MTREX: variants seen among roughly 807,000 people sequenced by gnomAD.
MTREX encodes the protein Mtr4 exosome RNA helicase.
MTREX carries 76 observed loss-of-function variants against 135.4 expected under a neutral mutation model. The observed-to-expected ratio is 0.56, with a 90% CI of 0.47 to 0.68. MTREX has a LOEUF of 0.68. Ranked by LOEUF, MTREX falls within the 30% of genes least tolerant of loss-of-function variation. The pLI, the probability that MTREX is intolerant of heterozygous loss-of-function variation, is 0.00. For synonymous variants in MTREX, 404 were observed against 401.6 expected (o/e 1.01, Z -0.07); for missense variants, 920 against 1,262.1 (o/e 0.73, Z 4.11).
chr5:55,344,753 C>T (rs1749703159), intron 9 of MTREX, 133 bp downstream of exon 9: 7 of 582,712 alleles, frequency 1.2e-5, no homozygotes, highest in Non-Finnish European at 1.8e-5. Context: ...TTTAATCAAT[C>T]GATCTTGATT....
chr5:55,385,756 A>C (rs1750468484), intron 18 of MTREX, among the ~76,000 whole-genome samples: 1 of 152,164 alleles, frequency 6.6e-6, no homozygotes, highest in South Asian at 2.1e-4. Flanking sequence ...AGTCAGTCAA[A>C]GGTTCAGGAG....
intron 15 of MTREX, among the ~76,000 whole-genome samples, chr5:55,365,254 T>C (rs1255106087): frequency 6.6e-6 from 1 of 152,144 alleles, no homozygotes; most frequent in Non-Finnish European, 1.5e-5. Flanking sequence ...ATGAAGTTCT[T>C]TAATCTCTCT....
rs181892951 is a variant in MTREX at position 55,383,603 on chromosome 5, C to G, written c.2053-4371C>G. ...TTCTCTTGCTGCTTTAAGATTTTCT[C>G]TTTTTGATTTGGCTTTCCACATTTT... is the stretch of plus-strand genomic sequence containing the variant. On this transcript the variant is annotated intron_variant, in intron 18 of 26. Coordinates refer to ENST00000230640, the MANE Select transcript of MTREX (RefSeq NM_015360.5). Among the ~76,000 whole-genome samples, 70 of 152,162 alleles carry G rather than the reference C, an allele frequency of 4.6e-4. No individual in the cohort carries two copies. The East Asian group carries it at 0.013, about 29-fold the overall frequency.
chr5:55,314,566 T>C (rs1749167449), intron 1 of MTREX, among the ~76,000 whole-genome samples: 1 of 152,160 alleles, frequency 6.6e-6, no homozygotes, highest in African/African-American at 2.4e-5. Context: ...TCTCTAGAAG[T>C]GGAAGTGGCA....
At position 55,343,364 on chromosome 5, in the gene MTREX, T is replaced by G; in HGVS notation, c.815T>G (p.Leu272Trp). The G allele has an allele frequency of 6.2e-7, 1 of 1,612,836 alleles. No homozygotes were observed. Among genetic ancestry groups the G allele is most frequent in the Non-Finnish European group, 8.5e-7 (1 of 1,179,042 alleles). ...GTAGTATGGGAAGAAACTATTATTT[T>G]GCTTCCTGATAACGTCCACTATGTC... ...RGVVWEETII[L>W]LPDNVHYVFL... Residue 272 changes from leucine to tryptophan, a missense_variant, in exon 8 of 27, where the codon TTG becomes TGG. By Grantham distance (61) the Leu-to-Trp change is moderately conservative. Coordinates refer to ENST00000230640, the MANE Select transcript of MTREX (RefSeq NM_015360.5).
At chr5:55,332,283 C>G (rs1749490832) in intron 5 of MTREX, among the ~76,000 whole-genome samples, 1 of 152,156 alleles carries the variant, frequency 6.6e-6, no homozygotes, top group Admixed American at 6.6e-5. Context: ...TAGATTGACT[C>G]TTTTGATTTA....
rs377301179 is a variant in MTREX at position 55,416,007 on chromosome 5, C to T, written c.2846C>T (p.Ala949Val). 1.3e-5 allele frequency: 20 copies of T among 1,595,004 alleles called. No individual in the cohort carries two copies. Among genetic ancestry groups the T allele is most frequent in the Non-Finnish European group, 1.7e-5 (20 of 1,173,376 alleles). ...AKRIAKVSAE[A>V]KLEIDEETYL... ...AGAATTGCAAAAGTTTCAGCAGAAG[C>T]CAAATTGGAAATTGATGAGGAAACT... The change falls in exon 25 of 27, where the codon GCC (alanine) becomes GTC (valine). Residue 949 changes from alanine (A) to valine (V), a missense_variant. Physicochemically the swap from Ala to Val is moderately conservative, Grantham distance 64 (BLOSUM62 0). Coordinates refer to ENST00000230640, the MANE Select transcript of MTREX (RefSeq NM_015360.5).
At chr5:55,413,214 G>A (rs1018341705) in intron 23 of MTREX, among the ~76,000 whole-genome samples, 2 of 151,730 alleles carry the variant, frequency 1.3e-5, no homozygotes, top group Admixed American at 1.3e-4. Flanking sequence ...TGGCACTCCT[G>A]TAATCCCAGC....
chr5:55,370,349 G>A (rs943841740), intron 16 of MTREX, among the ~76,000 whole-genome samples: 4 of 152,066 alleles, frequency 2.6e-5, no homozygotes, highest in Non-Finnish European at 2.9e-5. Flanking sequence ...ATCTTGCCTC[G>A]GTTTCTTCCA....
intron 22 of MTREX, among the ~76,000 whole-genome samples, chr5:55,406,029 CATT>C (rs1216336708): frequency 6.6e-6 from 1 of 151,972 alleles, no homozygotes; most frequent in Admixed American, 6.6e-5. Flanking sequence ...GCCTAGTAAC[CATT>C]ATCTTGTTAC....
intron 5 of MTREX, among the ~76,000 whole-genome samples, chr5:55,335,985 T>A (rs925910824): frequency 6.6e-6 from 1 of 152,168 alleles, no homozygotes; most frequent in Non-Finnish European, 1.5e-5. Flanking sequence ...TTAAACCTAT[T>A]CCTAAGTATT....
chr5:55,336,941 G>A (rs1019311671), intron 5 of MTREX, among the ~76,000 whole-genome samples: 3 of 152,188 alleles, frequency 2.0e-5, no homozygotes, highest in Non-Finnish European at 2.9e-5. Context: ...TAAGCTGGTA[G>A]TGTTGCCTCC....
intron 10 of MTREX, among the ~76,000 whole-genome samples, chr5:55,345,624 C>G (rs1450259619): frequency 6.8e-6 from 1 of 147,888 alleles, no homozygotes; most frequent in East Asian, 2.0e-4. Flanking sequence ...CAACTGGCTT[C>G]TTTCACTTAA....
intron 6 of MTREX, among the ~76,000 whole-genome samples, chr5:55,340,830 C>T (rs1359960820): frequency 6.6e-6 from 1 of 152,162 alleles, no homozygotes; most frequent in Non-Finnish European, 1.5e-5. Context: ...ATCTGCCTGC[C>T]TCAGCCTCCC....
intron 16 of MTREX, among the ~76,000 whole-genome samples, chr5:55,376,367 A>C (rs914182163): frequency 1.3e-5 from 2 of 152,180 alleles, no homozygotes; most frequent in African/African-American, 4.8e-5. Flanking sequence ...CAAATAACAG[A>C]CTGTCTTAAA....
chr5:55,341,622 C>A, intron 6 of MTREX, 59 bp from the exon 7 acceptor site: 1 of 837,128 alleles, frequency 1.2e-6, no homozygotes, highest in South Asian at 2.0e-5. Flanking sequence ...CAACTTTTCT[C>A]TAACTATTAG....
chr5:55,319,976 A>T (rs1392803024), intron 1 of MTREX, among the ~76,000 whole-genome samples: 1 of 152,178 alleles, frequency 6.6e-6, no homozygotes, highest in African/African-American at 2.4e-5. Flanking sequence ...CCTAGAAAGG[A>T]TCTCAGTTAT....
intron 11 of MTREX, among the ~76,000 whole-genome samples, chr5:55,348,755 C>T (rs866521066): frequency 6.6e-6 from 1 of 152,134 alleles, no homozygotes; most frequent in Non-Finnish European, 1.5e-5. Flanking sequence ...GCCGAATAAA[C>T]TTAAAGTTGC....
In MTREX at chr5:55,340,052, A is replaced by T. The variant is rs764635449; in HGVS notation, c.558A>T (p.Ile186=). The part of the protein sequence containing the change: ...ALALREKQRV[I]FTSPIKALSN... ...CCTTAAGGGAAAAGCAGCGTGTAATATTTACCAGCCCAATTAAGGCTCTGA... is the reference window on the plus strand; with the variant it reads ...CCTTAAGGGAAAAGCAGCGTGTAATTTTTACCAGCCCAATTAAGGCTCTGA... The change falls in exon 6 of 27, where the codon ATA becomes ATT. Residue 186 remains isoleucine, a synonymous_variant. Coordinates refer to ENST00000230640, the MANE Select transcript of MTREX (RefSeq NM_015360.5). 2.5e-6 allele frequency: 4 copies of T among 1,592,024 alleles called. No homozygotes were observed. The highest frequency in any genetic ancestry group is 3.5e-5 in the Admixed American group (2 of 56,768).
Sources: gnomAD v4.1 joint callset for allele counts (sites outside exome capture counted in the v4.1 genomes callset) on GRCh38, gnomAD v4.1.1 for gene constraint, MANE v1.5 for transcripts, NCBI Gene and HGNC (gene_info 2026-07-23, HGNC 2026-07-21) for gene names.